DGLUCY: variants seen among roughly 807,000 people sequenced by gnomAD.
The protein encoded by DGLUCY is D-glutamate cyclase, mitochondrial.
DGLUCY carries 58 observed loss-of-function variants against 58.5 expected under a neutral mutation model. The ratio of observed to expected loss-of-function variants is 0.99; its 90% CI spans 0.80 to 1.23. The LOEUF is 1.23. Ranked by LOEUF, DGLUCY falls within the 50% of genes most tolerant of loss-of-function variation. DGLUCY has a pLI of 0.00. For missense variants in DGLUCY, 779 were observed against 784.7 expected, an observed-to-expected ratio of 0.99 and a Z score of 0.09; for synonymous variants, 325 against 314.1, an observed-to-expected ratio of 1.03 and a Z score of -0.37.
At chr14:91,222,541 G>A (rs1425970532) in intron 13 of DGLUCY, among the ~76,000 whole-genome samples, 2 of 152,076 alleles carry the variant, frequency 1.3e-5, no homozygotes, top group African/African-American at 4.8e-5. Flanking sequence ...ATGTGAAAGT[G>A]GAAACAATTT....
At chr14:91,151,655 T>G (rs996792733) in intron 1 of DGLUCY, among the ~76,000 whole-genome samples, 32 of 150,560 alleles carry the variant, frequency 2.1e-4, no homozygotes, top group Non-Finnish European at 4.6e-4. Context: ...TTTCTTTTCT[T>G]TTCTTTTTTT....
chr14:91,108,335 G>A (rs1595653829), intron 1 of DGLUCY, among the ~76,000 whole-genome samples: 2 of 152,166 alleles, frequency 1.3e-5, no homozygotes, highest in East Asian at 3.9e-4. Context: ...TGGTTACTGA[G>A]TTGTTTGGTG....
exon 1 of DGLUCY, chr14:91,060,630 C>A (rs992372576): frequency 2.9e-6 from 2 of 683,166 alleles, no homozygotes; most frequent in Admixed American, 4.5e-5. Context: ...CGGCGGGCAC[C>A]GCTAGTACCG....
chr14:91,207,153 TG>T (rs1159532513), intron 12 of DGLUCY, among the ~76,000 whole-genome samples: 1 of 24,916 alleles, frequency 4.0e-5, no homozygotes, highest in African/African-American at 2.0e-4. Context: ...AGCAAGACAC[TG>T]TCTCAGGAAA....
chr14:91,137,326 GA>G (rs1166270576), intron 1 of DGLUCY, among the ~76,000 whole-genome samples: 1 of 151,978 alleles, frequency 6.6e-6, no homozygotes. Flanking sequence ...CTGGAGTGTA[GA>G]ATGTGACCTC....
chr14:91,222,658 A>G lies in DGLUCY; in HGVS notation c.1717-2026A>G, dbSNP rs566190463. Among the ~76,000 whole-genome samples the G allele has an allele frequency of 3.9e-5, 6 of 152,322 alleles. No individual in the cohort carries two copies. In the East Asian group the frequency reaches 1.2e-3, roughly 29 times the overall value. On this transcript the variant is annotated intron_variant, in intron 13 of 13. Coordinates refer to ENST00000256324, the MANE Select transcript of DGLUCY (RefSeq NM_001102368.3). Reference sequence around the variant, plus strand: ...AGACAGTTTGCAGTTAACATTTGCCAATGCTTTCTCTATTACTTAGAAAAA... The same window carrying G: ...AGACAGTTTGCAGTTAACATTTGCCGATGCTTTCTCTATTACTTAGAAAAA...
chr14:91,146,870 T>G (rs191173762), intron 1 of DGLUCY, among the ~76,000 whole-genome samples: 3 of 152,138 alleles, frequency 2.0e-5, no homozygotes, highest in East Asian at 1.9e-4. Flanking sequence ...TAGAAATAGA[T>G]GGAGCGCACC....
chr14:91,156,352 G>A (rs962443136), intron 1 of DGLUCY, among the ~76,000 whole-genome samples: 4 of 152,190 alleles, frequency 2.6e-5, no homozygotes, highest in Non-Finnish European at 2.9e-5. Context: ...GGGGTCCAGC[G>A]ATCCTCCCAC....
intron 1 of DGLUCY, among the ~76,000 whole-genome samples, chr14:91,149,825 C>T (rs1478027038): frequency 6.6e-6 from 1 of 152,208 alleles, no homozygotes; most frequent in Non-Finnish European, 1.5e-5. Flanking sequence ...AGCAGATTTA[C>T]TTTGAAGAAT....
chr14:91,063,363 C>T (rs905796989), intron 1 of DGLUCY, among the ~76,000 whole-genome samples: 19 of 152,050 alleles, frequency 1.2e-4, no homozygotes, highest in Admixed American at 1.2e-3. Flanking sequence ...ATTTTCAGGC[C>T]TGACCAGAAA....
chr14:91,160,417 TAAAAAAAAAAAA>T lies in DGLUCY; in HGVS notation c.103+33_103+44del, dbSNP rs34785372. On this transcript the variant is annotated intron_variant, in intron 3 of 13. Transcript: ENST00000256324. ...CTGGAGGTAAGTGGTGCCAGATAGT[TAAAAAAAAAAAA>T]AAAAAAAAAAAAGAAAGTTCCTGGG... is the stretch of plus-strand genomic sequence containing the variant. 2.9e-4 allele frequency: 168 copies of T among 579,480 alleles called. No homozygotes were observed. The highest frequency in any genetic ancestry group is 1.9e-3 in the African/African-American group (65 of 34,378). The allele number at this position is 579,480 out of a possible 1,614,324, so 35.9% of individuals were successfully genotyped here. A position where few individuals can be genotyped will look rare whatever the true frequency, so the allele number is the denominator to read the frequency against.
chr14:91,076,782 G>T (rs2044028797), intron 1 of DGLUCY, among the ~76,000 whole-genome samples: 1 of 152,136 alleles, frequency 6.6e-6, no homozygotes, highest in African/African-American at 2.4e-5. Context: ...GAGTGCTGGG[G>T]ACTGCAAATT....
At position 91,152,601 on chromosome 14, in the gene DGLUCY, T is replaced by C. The variant is rs145474687; in HGVS notation, c.-81-5038T>C. Among the ~76,000 whole-genome samples, 7 of 152,244 alleles carry C rather than the reference T, an allele frequency of 4.6e-5. No individual in the cohort carries two copies. The East Asian group carries it at 1.2e-3, about 25-fold the overall frequency. The stretch of plus-strand genomic sequence containing the variant: ...CTTCTTCCTTGCAGCAACACTTATT[T>C]TGCAAATTTGCAGTTGTATTTAGGC... On this transcript the variant is annotated intron_variant, in intron 1 of 13. Transcript: ENST00000256324.
chr14:91,099,917 G>A (rs561418188), intron 1 of DGLUCY, among the ~76,000 whole-genome samples: 19 of 152,222 alleles, frequency 1.2e-4, no homozygotes, highest in African/African-American at 4.6e-4. Context: ...AGCCGGGCAT[G>A]GTGGCACATG....
At chr14:91,182,249 G>A (rs1479148184) in intron 8 of DGLUCY, among the ~76,000 whole-genome samples, 2 of 152,212 alleles carry the variant, frequency 1.3e-5, no homozygotes, top group African/African-American at 4.8e-5. Context: ...CCGAAGTGCT[G>A]GGATTGCAGG....
At chr14:91,069,822 C>T (rs2043886840) in intron 1 of DGLUCY, among the ~76,000 whole-genome samples, 1 of 133,942 alleles carries the variant, frequency 7.5e-6, no homozygotes, top group Admixed American at 7.6e-5. Flanking sequence ...TTTTTGTCAC[C>T]CAGGCTGGAG....
chr14:91,066,894 C>T (rs1421975213), intron 1 of DGLUCY, among the ~76,000 whole-genome samples: 1 of 150,484 alleles, frequency 6.6e-6, no homozygotes, highest in Non-Finnish European at 1.5e-5. Context: ...TCCTGGCTAA[C>T]ACGGTGAAAC....
At chr14:91,194,188 C>G (rs987085366) in intron 9 of DGLUCY, among the ~76,000 whole-genome samples, 2 of 152,186 alleles carry the variant, frequency 1.3e-5, no homozygotes, top group Non-Finnish European at 2.9e-5. Flanking sequence ...ATTGCCCTGT[C>G]GCGGTAGTCC....
chr14:91,147,876 TAAA>T (rs1370032290), intron 1 of DGLUCY: 3 of 152,212 alleles, frequency 2.0e-5, no homozygotes, highest in Non-Finnish European at 4.4e-5. Context: ...TATTCTCAAT[TAAA>T]GAAACACAGA....
Sources: gnomAD v4.1 joint callset for allele counts (sites outside exome capture counted in the v4.1 genomes callset) on GRCh38, gnomAD v4.1.1 for gene constraint, MANE v1.5 for transcripts, NCBI Gene and HGNC (gene_info 2026-07-23, HGNC 2026-07-21) for gene names.